TFPI: variants seen among roughly 807,000 people sequenced by gnomAD.
TFPI encodes the protein anti-convertin.
TFPI carries 15 observed loss-of-function variants against 34.6 expected under a neutral mutation model. The ratio of observed to expected loss-of-function variants is 0.43; its 90% CI spans 0.29 to 0.67. TFPI has a LOEUF of 0.67. TFPI is among the 30% of genes least tolerant of loss of function. TFPI has a pLI of 0.15. For synonymous variants in TFPI, 105 were observed against 120.1 expected, an observed-to-expected ratio of 0.87 and a Z score of 0.82; for missense variants, 301 against 364.0, an observed-to-expected ratio of 0.83 and a Z score of 1.41.
intron 6 of TFPI, among the ~76,000 whole-genome samples, chr2:187,475,494 A>G (rs978218665): frequency 1.1e-4 from 17 of 152,180 alleles, no homozygotes; most frequent in African/African-American, 4.1e-4. Flanking sequence ...ATAGGTCGTC[A>G]TCATCATCAT....
chr2:187,476,217 CA>C (rs1692364689), intron 6 of TFPI, among the ~76,000 whole-genome samples: 1 of 152,086 alleles, frequency 6.6e-6, no homozygotes, highest in Non-Finnish European at 1.5e-5. Flanking sequence ...CAATCAGATC[CA>C]TGTAGTGGTA....
At chr2:187,478,886 A>C in intron 6 of TFPI, 1 of 1,178,202 alleles carries the variant, frequency 8.5e-7, no homozygotes, top group Non-Finnish European at 1.2e-6. Context: ...GGGTGGGGGA[A>C]GTCTATAAAC....
intron 6 of TFPI, among the ~76,000 whole-genome samples, chr2:187,479,576 TA>T: frequency 7.1e-6 from 1 of 140,724 alleles, no homozygotes; most frequent in African/African-American, 2.6e-5. Context: ...TATATATATA[TA>T]TATATATATA....
intron 1 of TFPI, among the ~76,000 whole-genome samples, chr2:187,533,589 T>C (rs1353710404): frequency 2.0e-5 from 3 of 152,252 alleles, no homozygotes; most frequent in East Asian, 3.9e-4. Context: ...GAAAGGTACA[T>C]AAATCCAGAA....
chr2:187,521,756 A>G (rs1687387060), intron 1 of TFPI, among the ~76,000 whole-genome samples: 1 of 151,892 alleles, frequency 6.6e-6, no homozygotes, highest in Non-Finnish European at 1.5e-5. Flanking sequence ...TTTAGTAGAG[A>G]CAGGGTTTCA....
intron 1 of TFPI, among the ~76,000 whole-genome samples, chr2:187,524,837 G>T (rs1403605416): frequency 1.3e-5 from 2 of 151,976 alleles, no homozygotes; most frequent in Admixed American, 6.6e-5. Flanking sequence ...TTGCTGAAAT[G>T]ATAGGTATTT....
intron 4 of TFPI, among the ~76,000 whole-genome samples, chr2:187,488,060 T>G (rs993557904): frequency 4.0e-5 from 6 of 151,380 alleles, no homozygotes; most frequent in African/African-American, 1.2e-4. Flanking sequence ...GTTTGGAGCC[T>G]CCTCTGACAA....
At chr2:187,547,925 G>A (rs960519659) in intron 1 of TFPI, among the ~76,000 whole-genome samples, 1 of 151,748 alleles carries the variant, frequency 6.6e-6, no homozygotes, top group Non-Finnish European at 1.5e-5. Flanking sequence ...TAATTTTCTG[G>A]GAATGGTGAC....
intron 1 of TFPI, among the ~76,000 whole-genome samples, chr2:187,521,351 G>C (rs1687361865): frequency 6.6e-6 from 1 of 151,928 alleles, no homozygotes; most frequent in South Asian, 2.1e-4. Context: ...AAAGATACTT[G>C]AATTGTTTCC....
intron 6 of TFPI, among the ~76,000 whole-genome samples, chr2:187,470,461 T>C (rs771980907): frequency 7.2e-5 from 11 of 152,142 alleles, no homozygotes; most frequent in Non-Finnish European, 1.3e-4. Context: ...AGTCCCTAGA[T>C]TGGACGTATG....
chr2:187,529,281 C>T (rs1354489784), intron 1 of TFPI: 1 of 152,146 alleles, frequency 6.6e-6, no homozygotes, highest in Non-Finnish European at 1.5e-5. Context: ...GTGAAGCTCT[C>T]AGGAGCTCTC....
chr2:187,522,891 AAAATAAATAAATAAATAAAT>A (rs138871269), intron 1 of TFPI, among the ~76,000 whole-genome samples: 15 of 142,546 alleles, frequency 1.1e-4, no homozygotes, highest in Middle Eastern at 3.3e-3. Context: ...ACTGTGTCTC[AAAATAAATAAATAAATAAAT>A]AAATAAATAA....
chr2:187,511,935 T>G (rs570620512), intron 1 of TFPI, among the ~76,000 whole-genome samples: 57 of 151,530 alleles, frequency 3.8e-4, no homozygotes, highest in South Asian at 8.3e-4. Context: ...GAGAGAGAGA[T>G]ATACAAGTAG....
At chr2:187,549,374 A>C (rs1055709665) in intron 1 of TFPI, among the ~76,000 whole-genome samples, 7 of 152,098 alleles carry the variant, frequency 4.6e-5, no homozygotes, top group Admixed American at 3.9e-4. Flanking sequence ...TGTGATAGGA[A>C]ACTATTAGGA....
At chr2:187,503,617 C>G in intron 2 of TFPI, 31 bp downstream of exon 2, 1 of 1,604,476 alleles carries the variant, frequency 6.2e-7, no homozygotes, top group Non-Finnish European at 8.5e-7. Context: ...CTTTAACTAG[C>G]TTAAAAAGAT....
rs766784455 is a variant in TFPI, at chr2:187,466,856, TAGA to T, written c.*77_*79del. 1.2e-6 allele frequency: 1 copy of T among 810,044 alleles called. No individual in the cohort carries two copies. Among genetic ancestry groups the T allele is most frequent in the Non-Finnish European group, 1.9e-6 (1 of 532,944 alleles). The allele number at this position is 810,044 out of a possible 1,614,324, so 50.2% of individuals were successfully genotyped here. A position where few individuals can be genotyped will look rare whatever the true frequency, so the allele number is the denominator to read the frequency against. ...ATGAACATATTAATTAAAAGCATTT[TAGA>T]AGAAAAATAGAAAATCATAGTGAAA... is the stretch of plus-strand genomic sequence containing the variant. On this transcript the variant is annotated 3_prime_UTR_variant, in exon 8 of 8. Transcript: ENST00000233156.
At chr2:187,471,207 A>T (rs181976649) in intron 6 of TFPI, among the ~76,000 whole-genome samples, 1 of 152,328 alleles carries the variant, frequency 6.6e-6, no homozygotes, top group Admixed American at 6.5e-5. Flanking sequence ...TAATTCATTT[A>T]TCTTAAGATC....
intron 1 of TFPI, among the ~76,000 whole-genome samples, chr2:187,552,564 T>A (rs961215743): frequency 3.3e-5 from 5 of 152,040 alleles, no homozygotes; most frequent in African/African-American, 1.2e-4. Flanking sequence ...AATGATTATC[T>A]GACTGATAAA....
At chr2:187,527,506 T>C (rs1052855497) in intron 1 of TFPI, among the ~76,000 whole-genome samples, 1 of 152,192 alleles carries the variant, frequency 6.6e-6, no homozygotes, top group Non-Finnish European at 1.5e-5. Flanking sequence ...ATTTGCCACG[T>C]ACCAAATTCT....
Sources: gnomAD v4.1 joint callset for allele counts (sites outside exome capture counted in the v4.1 genomes callset) on GRCh38, gnomAD v4.1.1 for gene constraint, MANE v1.5 for transcripts, NCBI Gene and HGNC (gene_info 2026-07-23, HGNC 2026-07-21) for gene names.